Variants in ZFYVE1 observed in about 807,000 individuals in gnomAD.
ZFYVE1 encodes the protein zinc finger FYVE-type containing 1.
Under a neutral mutation model 74.4 loss-of-function variants are expected in ZFYVE1, and 30 were observed. The ratio of observed to expected loss-of-function variants is 0.40; its 90% confidence interval spans 0.30 to 0.55. The LOEUF (loss-of-function observed/expected upper bound fraction) is 0.55, where lower values mean the gene tolerates loss of function less well. Among genes scored for constraint, ZFYVE1 ranks in the 20% least tolerant of loss-of-function variants. The probability of loss-of-function intolerance (pLI) is 0.42; values close to 1 mark genes in which losing one functional copy is unlikely to be tolerated. For missense variants in ZFYVE1, 703 were observed against 1,011.6 expected (o/e 0.69, Z 4.14); for synonymous variants, 335 against 385.1 (o/e 0.87, Z 1.52).
intron 4 of ZFYVE1, among the ~76,000 whole-genome samples, chr14:72,989,037 T>C (rs1250743805): frequency 1.3e-5 from 2 of 151,004 alleles, no homozygotes; most frequent in African/African-American, 4.9e-5. Context: ...TTCAAGCCAT[T>C]CTGCCTCAGC....
intron 11 of ZFYVE1, among the ~76,000 whole-genome samples, chr14:72,973,492 AAAACAAAC>A (rs146630567): frequency 0.074 from 11,259 of 151,738 alleles, 453 homozygotes; most frequent in African/African-American, 0.1. Flanking sequence ...CCATCTCAAA[AAAACAAAC>A]AAACAAACAA....
intron 3 of ZFYVE1, among the ~76,000 whole-genome samples, chr14:72,995,360 G>C (rs1893719371): frequency 6.6e-6 from 1 of 152,176 alleles, no homozygotes; most frequent in Admixed American, 6.5e-5. Flanking sequence ...GCCTCCCAAA[G>C]AGCTGGGACC....
rs149622330 is a variant in ZFYVE1, at chr14:72,990,453, G to A, written c.1203+2690C>T. ...CTCTTCTTGCCCAGGCTGGAGTGCG[G>A]TGGCAAGATCTCAGCTCACTGCAAC... On this transcript the variant is annotated intron_variant, in intron 4 of 11. Coordinates refer to ENST00000556143, the MANE Select transcript of ZFYVE1 (RefSeq NM_021260.4). Among the ~76,000 whole-genome samples, 48 of 151,846 alleles carry A rather than the reference G, an allele frequency of 3.2e-4. No homozygotes were observed. In the East Asian group the frequency reaches 8.3e-3, roughly 26 times the overall value.
At chr14:72,971,628 C>T (rs1184169261) in intron 11 of ZFYVE1, among the ~76,000 whole-genome samples, 1 of 152,108 alleles carries the variant, frequency 6.6e-6, no homozygotes, top group Non-Finnish European at 1.5e-5. Flanking sequence ...AGGCATGAGC[C>T]ACCACGCCCT....
chr14:72,992,741 T>C (rs1370248205), intron 4 of ZFYVE1, among the ~76,000 whole-genome samples: 1 of 151,990 alleles, frequency 6.6e-6, no homozygotes, highest in African/African-American at 2.4e-5. Flanking sequence ...TTTCCGCTTA[T>C]AGTGATAACA....
At chr14:72,988,806 C>CA (rs1425078012) in intron 4 of ZFYVE1, among the ~76,000 whole-genome samples, 5,948 of 79,690 alleles carry the variant, frequency 0.075, 206 homozygotes, top group Middle Eastern at 0.13. Flanking sequence ...GACTCTGTCT[C>CA]AAAAAAAAAA....
intron 4 of ZFYVE1, among the ~76,000 whole-genome samples, chr14:72,989,804 AAAAAAAAGAAAAAG>A (rs1455598225): frequency 4.6e-5 from 7 of 152,042 alleles, no homozygotes; most frequent in Admixed American, 3.9e-4. Flanking sequence ...TCTCAAAAGA[AAAAAAAAGAAAAAG>A]AAAAAAAGAA....
intron 2 of ZFYVE1, among the ~76,000 whole-genome samples, chr14:73,017,612 ACCACTGAGTTCT>A (rs1270775964): frequency 2.6e-5 from 4 of 152,314 alleles, no homozygotes; most frequent in Admixed American, 6.5e-5. Context: ...CCTACAAGTC[ACCACTGAGTTCT>A]CCTACTCCCT....
At chr14:73,014,929 T>G (rs778602664) in intron 2 of ZFYVE1, among the ~76,000 whole-genome samples, 44 of 152,132 alleles carry the variant, frequency 2.9e-4, no homozygotes, top group Admixed American at 1.9e-3. Flanking sequence ...TACACCCAGT[T>G]TGTGGTAAAG....
intron 4 of ZFYVE1, among the ~76,000 whole-genome samples, chr14:72,982,500 C>T (rs1226083973): frequency 1.3e-5 from 2 of 152,122 alleles, no homozygotes; most frequent in African/African-American, 4.8e-5. Flanking sequence ...AAATAAATGC[C>T]AAGAAGATAA....
chr14:72,983,539 T>C (rs929401216), intron 4 of ZFYVE1, among the ~76,000 whole-genome samples: 5 of 152,084 alleles, frequency 3.3e-5, no homozygotes, highest in African/African-American at 1.2e-4. Flanking sequence ...ACTCATCCTT[T>C]TTTATGGCTG....
Position 73,024,596 on chromosome 14 carries a change from G to A in ZFYVE1, c.-88C>T, listed in dbSNP as rs1894416886. 1.3e-6 allele frequency: 2 copies of A among 1,496,582 alleles called. No individual in the cohort carries two copies. The highest frequency in any genetic ancestry group is 1.4e-5 in the African/African-American group (1 of 71,252). The allele number at this position is 1,496,582 out of a possible 1,614,324, so 92.7% of individuals were successfully genotyped here. On this transcript the variant is annotated 5_prime_UTR_variant, in exon 2 of 12. Transcript: ENST00000556143. Reference sequence around the variant, plus strand: ...AGACGAAGATTTGAGTCTGAAGACTGCACGAAACTTCCACAGGGTTCTGAA... The same window carrying A: ...AGACGAAGATTTGAGTCTGAAGACTACACGAAACTTCCACAGGGTTCTGAA...
chr14:72,994,462 A>C (rs191958168), intron 3 of ZFYVE1, among the ~76,000 whole-genome samples: 16 of 151,682 alleles, frequency 1.1e-4, no homozygotes, highest in Admixed American at 9.2e-4. Context: ...GGCTTCTATG[A>C]GGAGGGCTGG....
intron 5 of ZFYVE1, among the ~76,000 whole-genome samples, chr14:72,980,938 C>A (rs746662937): frequency 2.0e-5 from 3 of 152,176 alleles, no homozygotes; most frequent in Non-Finnish European, 4.4e-5. Flanking sequence ...AGGGGGCACC[C>A]AGTGATCCTG....
At position 72,998,486 on chromosome 14, in the gene ZFYVE1, C is replaced by T. The variant is rs981625768; in HGVS notation, c.484-171G>A. 2.7e-4 allele frequency among the ~76,000 whole-genome samples: 41 copies of T among 151,672 alleles called. 1 individual carries two copies. The highest frequency in any genetic ancestry group is 1.5e-4 in the Non-Finnish European group (10 of 67,962). On this transcript the variant is annotated intron_variant, in intron 2 of 11. Coordinates refer to ENST00000556143, the MANE Select transcript of ZFYVE1 (RefSeq NM_021260.4). ...CCCTTAGCAAACAGCTCAAAGGAAC[C>T]TCTGAAGCTTTAGTCAGGGAAATAA... is the stretch of plus-strand genomic sequence containing the variant.
At chr14:72,980,964 T>C (rs1377681058) in intron 5 of ZFYVE1, among the ~76,000 whole-genome samples, 1 of 152,202 alleles carries the variant, frequency 6.6e-6, no homozygotes, top group Non-Finnish European at 1.5e-5. Flanking sequence ...CAGGTTTTTC[T>C]GATGCATGCT....
intron 3 of ZFYVE1, among the ~76,000 whole-genome samples, chr14:72,994,013 CAAAAA>C (rs59059738): frequency 1.8e-5 from 1 of 56,916 alleles, no homozygotes; most frequent in Non-Finnish European, 3.7e-5. Context: ...GATTCCGTCT[CAAAAA>C]AAAAAAAAAA....
intron 10 of ZFYVE1, 138 bp from the exon 11 acceptor site, chr14:72,974,331 T>G: frequency 1.3e-6 from 1 of 789,996 alleles, no homozygotes; most frequent in Non-Finnish European, 2.1e-6. Context: ...CAAGGGTCTG[T>G]GCTGTGGGTC....
At chr14:73,000,813 CA>C (rs1015399889) in intron 2 of ZFYVE1, among the ~76,000 whole-genome samples, 11 of 152,096 alleles carry the variant, frequency 7.2e-5, no homozygotes, top group Non-Finnish European at 1.5e-4. Context: ...CCATAACAGC[CA>C]AAAAAGTGAA....
Sources: allele counts gnomAD v4.1 joint callset (sites outside exome capture counted in the v4.1 genomes callset), GRCh38; gene constraint gnomAD v4.1.1; transcripts MANE v1.5; gene names NCBI Gene and HGNC (gene_info 2026-07-23, HGNC 2026-07-21).